DVL1: variants seen among roughly 807,000 people sequenced by gnomAD.
DVL1 encodes dishevelled segment polarity protein 1.
A neutral mutation model predicts 65.0 loss-of-function variants in DVL1; 49 were observed. The ratio of observed to expected loss-of-function variants is 0.75; its 90% confidence interval spans 0.60 to 0.96. The LOEUF (loss-of-function observed/expected upper bound fraction) is 0.96. DVL1 is among the 40% of genes least tolerant of loss of function. The pLI, the probability that DVL1 is intolerant of heterozygous loss-of-function variation, is 0.00. For missense variants in DVL1, 1,197 were observed against 1,045.4 expected (o/e 1.15, Z -2.00); for synonymous variants, 608 against 433.9 (o/e 1.40, Z -4.99).
At chr1:1,344,535 C>G (rs1454441642) in intron 1 of DVL1, among the ~76,000 whole-genome samples, 9 of 152,142 alleles carry the variant, frequency 5.9e-5, no homozygotes, top group Non-Finnish European at 1.0e-4. Flanking sequence ...GAGCAGGGAC[C>G]CCTACCTAGC....
chr1:1,337,996 G>A lies in DVL1; in HGVS notation c.1695C>T (p.Thr565=), dbSNP rs1268985844. 7 of 1,611,458 alleles carry A rather than the reference G, an allele frequency of 4.3e-6. No individual in the cohort carries two copies. In the Admixed American group the frequency reaches 5.0e-5, roughly 12 times the overall value. The change falls in exon 14 of 15, where the codon ACC becomes ACT. Residue 565 remains threonine (T), a synonymous_variant. Transcript: ENST00000378888. Reference sequence around the variant, plus strand: ...TCTCACCTTCACTCTGCTGACTCCCGGTGCTGCCGCTGCCATAGCTAAAGC... The same window carrying A: ...TCTCACCTTCACTCTGCTGACTCCCAGTGCTGCCGCTGCCATAGCTAAAGC... The part of the protein sequence containing the change: ...DPGFSYGSGS[T]GSQQSEGSKS...
chr1:1,339,743 G>A lies in DVL1; in HGVS notation c.979C>T (p.Gln327Ter). 5 of 1,613,096 alleles carry A rather than the reference G, an allele frequency of 3.1e-6. No individual in the cohort carries two copies. Among genetic ancestry groups the A allele is most frequent in the Non-Finnish European group, 4.2e-6 (5 of 1,179,886 alleles). The change falls in exon 9 of 15, where the codon CAG becomes TAG. Residue 327 changes from glutamine (Q) to a stop codon, truncating the protein, a stop_gained. Coordinates refer to ENST00000378888, the MANE Select transcript of DVL1 (RefSeq NM_001330311.2). LOFTEE classifies it high-confidence loss of function. ...AGCGCCCCCAGCCCTCACCCCGTCT[G>A]GGAAACGATCTCCCGCAGCACCCGC... Reference protein sequence around the residue: ...AVRVLREIVSQTGPISLTVAK... With the variant: ...AVRVLREIVS
rs1643754306 is a variant in DVL1 at position 1,340,397 on chromosome 1, C to CCCGGCTGCCTACCCGGT, written c.695_699+12dup. ...GCCTCCCCAGCCCCGCCCTGCTCCACCCGGCTGCCTACCCGGTCCGCCTGC... is the reference window on the plus strand; with the variant it reads ...GCCTCCCCAGCCCCGCCCTGCTCCACCCGGCTGCCTACCCGGTCCGGCTGCCTACCCGGTCCGCCTGC... On this transcript the variant is annotated intron_variant, in intron 6 of 14. Coordinates refer to ENST00000378888, the MANE Select transcript of DVL1 (RefSeq NM_001330311.2). The CCCGGCTGCCTACCCGGT allele has an allele frequency of 1.9e-6, 3 of 1,611,868 alleles. No homozygotes were observed. The highest frequency in any genetic ancestry group is 1.3e-5 in the African/African-American group (1 of 75,042).
At chr1:1,347,187 C>T (rs1280817810) in intron 1 of DVL1, among the ~76,000 whole-genome samples, 1 of 151,504 alleles carries the variant, frequency 6.6e-6, no homozygotes, top group East Asian at 1.9e-4. Flanking sequence ...CCAACCCCCA[C>T]AGCCCAGCCC....
chr1:1,346,961 T>C (rs1211222566), intron 1 of DVL1, among the ~76,000 whole-genome samples: 2 of 152,172 alleles, frequency 1.3e-5, no homozygotes, highest in African/African-American at 4.8e-5. Flanking sequence ...GGGGGTTCTA[T>C]TCCACAGAAC....
At position 1,335,812 on chromosome 1, in the gene DVL1, C is replaced by T. The variant is rs1372559040; in HGVS notation, c.*330G>A. 5.2e-6 allele frequency: 2 copies of T among 383,170 alleles called. No individual in the cohort carries two copies. Among genetic ancestry groups the T allele is most frequent in the Non-Finnish European group, 4.8e-6 (1 of 210,412 alleles). The allele number at this position is 383,170 out of a possible 1,614,324, so 23.7% of individuals were successfully genotyped here. A position where few individuals can be genotyped will look rare whatever the true frequency, so the allele number is the denominator to read the frequency against. On this transcript the variant is annotated 3_prime_UTR_variant, in exon 15 of 15. Coordinates refer to ENST00000378888, the MANE Select transcript of DVL1 (RefSeq NM_001330311.2). ...TGCCCCGCATGGACCACCCTGGGGG[C>T]CTGGGCACAGCTGTGCAGGAGGTGG...
At chr1:1,342,564 C>A in intron 2 of DVL1, 80 bp from the exon 3 acceptor site, 2 of 1,574,814 alleles carry the variant, frequency 1.3e-6, no homozygotes, top group South Asian at 1.1e-5. Flanking sequence ...AACAGGGGGC[C>A]AGCAAGCTGC....
At chr1:1,339,878 C>G in intron 8 of DVL1, 66 bp from the exon 9 acceptor site, 1 of 1,585,934 alleles carries the variant, frequency 6.3e-7, no homozygotes, top group East Asian at 2.3e-5. Context: ...CCCCGCAGAC[C>G]CACCCACAGC....
chr1:1,341,090 GGCACACCT>G (rs1249102328), intron 5 of DVL1, among the ~76,000 whole-genome samples: 45 of 124,004 alleles, frequency 3.6e-4, no homozygotes, highest in Admixed American at 1.1e-3. Context: ...CCTGCACACA[GGCACACCT>G]GCACACACCT....
chr1:1,340,468 C>A lies in DVL1; in HGVS notation c.641G>T (p.Arg214Ile). 6.2e-7 allele frequency: 1 copy of A among 1,610,980 alleles called. No homozygotes were observed. Among genetic ancestry groups the A allele is most frequent in the South Asian group, 1.1e-5 (1 of 90,536 alleles). Residue 214 changes from arginine to isoleucine, a missense_variant, in exon 6 of 15, where the codon AGA (arginine) becomes ATA (isoleucine). By Grantham distance (97) the Arg-to-Ile change is moderately conservative. Coordinates refer to ENST00000378888, the MANE Select transcript of DVL1 (RefSeq NM_001330311.2). ...SSSTEQSTSS[R>I]LIRKHKRRRR... ...CCGGCGTTTGTGCTTCCGGATGAGT[C>A]TGGATGAGGTGCTCTGCTCCGTGGA...
At position 1,339,426 on chromosome 1, in the gene DVL1, C is replaced by A. The variant is rs1176557376; in HGVS notation, c.1068G>T (p.Arg356=). Residue 356 remains arginine, a synonymous_variant, in exon 11 of 15, where the codon CGG becomes CGT. Coordinates refer to ENST00000378888, the MANE Select transcript of DVL1 (RefSeq NM_001330311.2). The part of the protein sequence containing the change: ...YFTVPRADPV[R]PIDPAAWLSH... ...ACAGCCAGGCGGCGGGGTCGATGGG[C>A]CGCACCGGGTCAGCTGGGTGGCCGC... The A allele has an allele frequency of 6.5e-7, 1 of 1,548,598 alleles. No individual in the cohort carries two copies.
chr1:1,336,608 C>G (rs781561630), intron 14 of DVL1, 93 bp from the exon 15 acceptor site: 1 of 1,440,514 alleles, frequency 6.9e-7, no homozygotes, highest in Non-Finnish European at 9.1e-7. Context: ...CGGGCAGGAA[C>G]GGTGGCCCGT....
At position 1,341,682 on chromosome 1, in the gene DVL1, T is replaced by C; in HGVS notation, c.590A>G (p.Asp197Gly). The C allele has an allele frequency of 6.2e-7, 1 of 1,606,118 alleles. No homozygotes were observed. Among genetic ancestry groups the C allele is most frequent in the Non-Finnish European group, 8.5e-7 (1 of 1,174,294 alleles). The change falls in exon 5 of 15, where the codon GAT (aspartate) becomes GGT (glycine). Residue 197 changes from aspartate to glycine, a missense_variant. Asp to Gly is a moderately conservative substitution (Grantham distance 94). Transcript: ENST00000378888. ...ESSSFVDSDE[D>G]GSTSRLSSST... ...TCCCACACACCTGCTCGTGCTGCCA[T>C]CCTCGTCCGAGTCCACAAAGCTGCT...
Position 1,335,567 on chromosome 1 carries a change from G to A in DVL1, c.*575C>T, listed in dbSNP as rs747404588. The A allele has an allele frequency of 5.3e-4, 82 of 155,202 alleles. No homozygotes were observed. Among genetic ancestry groups the A allele is most frequent in the Non-Finnish European group, 8.5e-4 (59 of 69,780 alleles). The allele number at this position is 155,202 out of a possible 1,614,324, so 9.6% of individuals were successfully genotyped here. ...TCCCTCCCTGCCCTGGCTGGGACAC[G>A]GTGGGCAGGATGTCCAGCCCTCTCT... On this transcript the variant is annotated 3_prime_UTR_variant, in exon 15 of 15. Coordinates refer to ENST00000378888, the MANE Select transcript of DVL1 (RefSeq NM_001330311.2).
Position 1,335,463 on chromosome 1 carries a change from C to T in DVL1, c.*679G>A, listed in dbSNP as rs1157887947. The T allele has an allele frequency of 6.5e-6, 1 of 153,906 alleles. No homozygotes were observed. Among genetic ancestry groups the T allele is most frequent in the Admixed American group, 6.4e-5 (1 of 15,626 alleles). The allele number at this position is 153,906 out of a possible 1,614,324, so 9.5% of individuals were successfully genotyped here. ...GTGTGCACTCACCAAGGACGGGCCA[C>T]CTGACTGCCCATCTCCCCAAGACCT... On this transcript the variant is annotated 3_prime_UTR_variant, in exon 15 of 15. Transcript: ENST00000378888.
At chr1:1,336,711 G>C (rs987069628) in intron 14 of DVL1, among the ~76,000 whole-genome samples, 196 bp from the exon 15 acceptor site, 4 of 152,212 alleles carry the variant, frequency 2.6e-5, no homozygotes, top group Non-Finnish European at 5.9e-5. Context: ...ATGGGCTGGT[G>C]GGGGCAGTGG....
chr1:1,348,104 G>C lies in DVL1; in HGVS notation c.170+792C>G, dbSNP rs537929907. Among the ~76,000 whole-genome samples, 9 of 152,330 alleles carry C rather than the reference G, an allele frequency of 5.9e-5. No homozygotes were observed. The South Asian group carries it at 1.9e-3, about 32-fold the overall frequency. ...CCCCAGCACTGTTGAGCTGGGACTA[G>C]GGACTCAGGTTACTGGTGGCTGGGC... On this transcript the variant is annotated intron_variant, in intron 1 of 14. Transcript: ENST00000378888.
chr1:1,347,207 C>G (rs1481696788), intron 1 of DVL1, among the ~76,000 whole-genome samples: 1 of 152,084 alleles, frequency 6.6e-6, no homozygotes, highest in Non-Finnish European at 1.5e-5. Flanking sequence ...CAGCCCAGCC[C>G]TGACCTCTGC....
intron 11 of DVL1, 92 bp from the exon 12 acceptor site, chr1:1,338,745 C>A: frequency 6.6e-7 from 1 of 1,503,864 alleles, no homozygotes; most frequent in South Asian, 1.3e-5. Context: ...TGGGCAGAGC[C>A]TGCGCCAGGG....
Sources: allele counts gnomAD v4.1 joint callset (sites outside exome capture counted in the v4.1 genomes callset), GRCh38; gene constraint gnomAD v4.1.1; transcripts MANE v1.5; gene names NCBI Gene and HGNC (gene_info 2026-07-23, HGNC 2026-07-21).